Variants in RNMT observed in about 807,000 individuals in gnomAD.
The protein encoded by RNMT is RNA guanine-7 methyltransferase.
A neutral mutation model predicts 56.0 loss-of-function variants in RNMT; 27 were observed. The observed-to-expected ratio is 0.48, with a 90% CI of 0.36 to 0.67. RNMT has a LOEUF of 0.67. RNMT is among the 30% of genes least tolerant of loss of function. The pLI is 0.00. For missense variants in RNMT, 519 were observed against 552.1 expected, an observed-to-expected ratio of 0.94 and a Z score of 0.60; for synonymous variants, 184 against 176.2, an observed-to-expected ratio of 1.04 and a Z score of -0.35.
At chr18:13,754,207 C>T (rs2044505324) in intron 11 of RNMT, 60 bp downstream of exon 11, 1 of 1,177,326 alleles carries the variant, frequency 8.5e-7, no homozygotes, top group Non-Finnish European at 1.2e-6. Context: ...TCAAAGTGAT[C>T]ATTAAAACCT....
intron 9 of RNMT, among the ~76,000 whole-genome samples, chr18:13,751,465 C>T (rs965006176): frequency 1.3e-5 from 2 of 152,174 alleles, no homozygotes; most frequent in African/African-American, 2.4e-5. Flanking sequence ...ATTCAGGAAA[C>T]AACAGATGCT....
chr18:13,760,769 T>C lies in RNMT; in HGVS notation c.*790T>C. 1 of 985,390 alleles carries C rather than the reference T, an allele frequency of 1.0e-6. No homozygotes were observed. The highest frequency in any genetic ancestry group is 1.2e-6 in the Non-Finnish European group (1 of 829,848). 61.0% of individuals were successfully genotyped at this position (985,390 alleles called of 1,614,324 possible). A position where few individuals can be genotyped will look rare whatever the true frequency, so the allele number is the denominator to read the frequency against. ...GAAAATCCCTCCCATGTAGACATGT[T>C]GCACATTTTTTCCAAATTTATACAT... On this transcript the variant is annotated 3_prime_UTR_variant, in exon 12 of 12. Transcript: ENST00000383314.
intron 9 of RNMT, among the ~76,000 whole-genome samples, chr18:13,747,694 A>G (rs932807675): frequency 1.2e-4 from 18 of 152,220 alleles, no homozygotes; most frequent in Admixed American, 1.3e-4. Flanking sequence ...AGGACTTTTT[A>G]TAAATTCTAA....
At chr18:13,728,167 T>C (rs1235740012) in intron 1 of RNMT, among the ~76,000 whole-genome samples, 2 of 152,104 alleles carry the variant, frequency 1.3e-5, no homozygotes, top group African/African-American at 4.8e-5. Flanking sequence ...TAGCACTAGT[T>C]CTATTTTTTG....
chr18:13,732,558 C>T (rs190009493), intron 3 of RNMT, among the ~76,000 whole-genome samples: 86 of 152,144 alleles, frequency 5.7e-4, no homozygotes, highest in African/African-American at 2.0e-3. Context: ...TATTATAGGG[C>T]AAGTTGTTTT....
chr18:13,758,174 G>C (rs1019421213), intron 11 of RNMT, among the ~76,000 whole-genome samples: 1 of 152,164 alleles, frequency 6.6e-6, no homozygotes, highest in African/African-American at 2.4e-5. Context: ...TAATTCTTAA[G>C]GGCCTCGGGA....
At chr18:13,747,254 C>T (rs1027499795) in intron 9 of RNMT, among the ~76,000 whole-genome samples, 10 of 147,102 alleles carry the variant, frequency 6.8e-5, no homozygotes, top group African/African-American at 1.3e-4. Flanking sequence ...CAGGATCTCG[C>T]TCTGTTGCCC....
intron 1 of RNMT, among the ~76,000 whole-genome samples, chr18:13,727,336 C>G (rs1389926723): frequency 6.6e-6 from 1 of 152,192 alleles, no homozygotes; most frequent in Non-Finnish European, 1.5e-5. Context: ...GGTTATTTAT[C>G]GCGTGTCCAT....
At position 13,745,943 on chromosome 18, in the gene RNMT, A is replaced by G. The variant is rs553860782; in HGVS notation, c.1140-277A>G. Among the ~76,000 whole-genome samples, 5 of 152,314 alleles carry G rather than the reference A, an allele frequency of 3.3e-5. No homozygotes were observed. The East Asian group carries it at 9.6e-4, about 29-fold the overall frequency. ...GAATCAGTAGAAAAGAGTTTCCTAC[A>G]CTTTTTCCGCATCTCACAGCTCCGG... On this transcript the variant is annotated intron_variant, in intron 8 of 11. Transcript: ENST00000383314.
At chr18:13,746,603 G>C (rs1228804203) in intron 9 of RNMT, among the ~76,000 whole-genome samples, 1 of 152,204 alleles carries the variant, frequency 6.6e-6, no homozygotes, top group Non-Finnish European at 1.5e-5. Flanking sequence ...TTGACATTTT[G>C]TTCTGGATAA....
At position 13,754,114 on chromosome 18, in the gene RNMT, G is replaced by A. The variant is rs1374387000; in HGVS notation, c.1360G>A (p.Gly454Arg). ...TTCTTTTTCTCTTTTGTAATTTTAGGGAACCTTAAGTAAATCAGAATGGGA... is the reference window on the plus strand; with the variant it reads ...TTCTTTTTCTCTTTTGTAATTTTAGAGAACCTTAAGTAAATCAGAATGGGA... ...MKNSQVRLPL[G>R]TLSKSEWEAT... is the part of the protein sequence containing the mutation. The change falls in exon 11 of 12, where the codon GGA becomes AGA. Residue 454 changes from glycine to arginine, a missense_variant and splice_region_variant. Gly to Arg is a moderately radical substitution (Grantham distance 125). Coordinates refer to ENST00000383314, the MANE Select transcript of RNMT (RefSeq NM_003799.3). The A allele has an allele frequency of 6.5e-7, 1 of 1,541,482 alleles. No homozygotes were observed. The highest frequency in any genetic ancestry group is 1.1e-5 in the South Asian group (1 of 88,822).
chr18:13,741,488 A>G, intron 6 of RNMT, 22 bp from the exon 7 acceptor site: 2 of 1,587,842 alleles, frequency 1.3e-6, no homozygotes, highest in South Asian at 2.3e-5. Flanking sequence ...TCACAATCTT[A>G]ACTCATTTTA....
At position 13,760,655 on chromosome 18, in the gene RNMT, A is replaced by G. The variant is rs1315633960; in HGVS notation, c.*676A>G. On this transcript the variant is annotated 3_prime_UTR_variant, in exon 12 of 12. Transcript: ENST00000383314. ...TCAGAAATTGCTACCATAGTAATTA[A>G]TGTTTCCAGTTATCAAGATTGTGAT... 1.1e-5 allele frequency: 11 copies of G among 984,966 alleles called. No homozygotes were observed. The highest frequency in any genetic ancestry group is 1.2e-5 in the Non-Finnish European group (10 of 829,606). The allele number at this position is 984,966 out of a possible 1,614,324, so 61.0% of individuals were successfully genotyped here.
chr18:13,739,604 G>A lies in RNMT; in HGVS notation c.680-563G>A, dbSNP rs187432650. ...TAGAGACCAGCCTGGCCAATGTGGT[G>A]AAACCCCATCCTCTACCAAAAATAC... On this transcript the variant is annotated intron_variant, in intron 5 of 11. Coordinates refer to ENST00000383314, the MANE Select transcript of RNMT (RefSeq NM_003799.3). Among the ~76,000 whole-genome samples the A allele has an allele frequency of 6.2e-4, 95 of 152,250 alleles. 1 individual carries two copies. The highest frequency in any genetic ancestry group is 2.2e-3 in the African/African-American group (91 of 41,552).
At chr18:13,734,626 T>A (rs1177308383) in intron 4 of RNMT, 27 bp downstream of exon 4, 12 of 1,550,524 alleles carry the variant, frequency 7.7e-6, no homozygotes, top group Non-Finnish European at 9.6e-6. Context: ...AGCTACTGAG[T>A]CTTTAATTCC....
rs1568514112 is a variant in RNMT, at chr18:13,754,122, A to C, written c.1368A>C (p.Leu456Phe). The C allele has an allele frequency of 1.1e-5, 17 of 1,554,444 alleles. No homozygotes were observed. The highest frequency in any genetic ancestry group is 1.5e-5 in the Non-Finnish European group (17 of 1,127,848). ...CTCTTTTGTAATTTTAGGGAACCTT[A>C]AGTAAATCAGAATGGGAAGCTACAA... is the stretch of plus-strand genomic sequence containing the variant. ...NSQVRLPLGT[L>F]SKSEWEATSI... The change falls in exon 11 of 12, where the codon TTA (leucine) becomes TTC (phenylalanine). Residue 456 changes from leucine (L) to phenylalanine (F), a missense_variant. Physicochemically the swap from Leu to Phe is conservative, Grantham distance 22 (BLOSUM62 0). Transcript: ENST00000383314.
rs1028988604 is a variant in RNMT, at chr18:13,758,932, A to G, written c.1394-1010A>G. Among the ~76,000 whole-genome samples the G allele has an allele frequency of 3.9e-5, 6 of 152,208 alleles. 1 individual carries two copies. The highest frequency in any genetic ancestry group is 3.4e-3 in the Middle Eastern group (1 of 294). ...AATATTGTTGTATCTCCAGGAACAG[A>G]GAGGCCAAGGAGAGGGAGGGAGAGA... On this transcript the variant is annotated intron_variant, in intron 11 of 11. Transcript: ENST00000383314.
intron 9 of RNMT, among the ~76,000 whole-genome samples, chr18:13,751,332 C>T (rs533952543): frequency 6.6e-6 from 1 of 152,192 alleles, no homozygotes; most frequent in Non-Finnish European, 1.5e-5. Flanking sequence ...CTTCTCAAAA[C>T]ACGACATTTA....
intron 1 of RNMT, among the ~76,000 whole-genome samples, chr18:13,727,202 C>T (rs1327843636): frequency 6.6e-6 from 1 of 152,254 alleles, no homozygotes; most frequent in Non-Finnish European, 1.5e-5. Flanking sequence ...AGAGCTTATC[C>T]CGCTTGGGCT....
Sources: gnomAD v4.1 joint callset for allele counts (sites outside exome capture counted in the v4.1 genomes callset) on GRCh38, gnomAD v4.1.1 for gene constraint, MANE v1.5 for transcripts, NCBI Gene and HGNC (gene_info 2026-07-23, HGNC 2026-07-21) for gene names.